Variants in GALNT13 observed in about 807,000 individuals in gnomAD.
The protein encoded by GALNT13 is polypeptide N-acetylgalactosaminyltransferase 13.
In GALNT13, 28 loss-of-function variants were observed where a neutral mutation model predicts 64.2. The ratio of observed to expected loss-of-function variants is 0.44; its 90% CI spans 0.32 to 0.60. The LOEUF is 0.60. Ranked by LOEUF, GALNT13 falls within the 20% of genes least tolerant of loss-of-function variation. GALNT13 has a pLI of 0.05. For synonymous variants in GALNT13, 214 were observed against 224.6 expected (o/e 0.95, Z 0.42); for missense variants, 577 against 669.8 (o/e 0.86, Z 1.53).
chr2:153,452,027 A>C, the GALNT13 span, among the ~76,000 whole-genome samples: 1 of 152,228 alleles, frequency 6.6e-6, no homozygotes, highest in African/African-American at 2.4e-5. Context: ...ACAACCTCCT[A>C]AACAGCCAGC....
chr2:153,718,856 G>T, the GALNT13 span, among the ~76,000 whole-genome samples: 1 of 152,138 alleles, frequency 6.6e-6, no homozygotes, highest in African/African-American at 2.4e-5. Flanking sequence ...ATAATGTGCT[G>T]TTATTGAATG....
At chr2:154,060,972 A>G (rs1366174225) in intron 3 of GALNT13, among the ~76,000 whole-genome samples, 13 of 152,130 alleles carry the variant, frequency 8.5e-5, no homozygotes, top group Non-Finnish European at 1.5e-5. Context: ...ATTGATTTAC[A>G]TCAAGATCAA....
chr2:153,865,063 G>T, the GALNT13 span, among the ~76,000 whole-genome samples: 1 of 148,112 alleles, frequency 6.8e-6, no homozygotes, highest in Non-Finnish European at 1.5e-5. Context: ...ATGGGGAAAG[G>T]ATTCCCTATT....
chr2:153,464,282 C>T, the GALNT13 span, among the ~76,000 whole-genome samples: 1 of 152,064 alleles, frequency 6.6e-6, no homozygotes, highest in Non-Finnish European at 1.5e-5. Context: ...GATCCTCTCC[C>T]ACCCCATCAC....
At chr2:154,108,157 T>G (rs989517168) in intron 3 of GALNT13, among the ~76,000 whole-genome samples, 25 of 151,916 alleles carry the variant, frequency 1.6e-4, no homozygotes, top group Non-Finnish European at 2.4e-4. Flanking sequence ...TTTTTTGGTT[T>G]TTTTTTTCTT....
At chr2:153,226,567 C>A in the GALNT13 span, among the ~76,000 whole-genome samples, 1 of 152,110 alleles carries the variant, frequency 6.6e-6, no homozygotes, top group Admixed American at 6.6e-5. Flanking sequence ...CCCCAAGCCC[C>A]ATTTTAATCT....
At chr2:154,318,248 G>A (rs201534971) in intron 9 of GALNT13, among the ~76,000 whole-genome samples, 1 of 152,098 alleles carries the variant, frequency 6.6e-6, no homozygotes, top group African/African-American at 2.4e-5. Context: ...TAAAGTTTGT[G>A]ATACCTCAAA....
At chr2:154,010,334 G>A (rs1200023942) in intron 3 of GALNT13, among the ~76,000 whole-genome samples, 1 of 152,106 alleles carries the variant, frequency 6.6e-6, no homozygotes, top group African/African-American at 2.4e-5. Flanking sequence ...CCGTTTCCGT[G>A]TCTATTGAGA....
At chr2:153,399,619 C>T in the GALNT13 span, among the ~76,000 whole-genome samples, 1 of 151,714 alleles carries the variant, frequency 6.6e-6, no homozygotes, top group African/African-American at 2.4e-5. Flanking sequence ...GTTTGTAGTT[C>T]TCCTTGAAGA....
At chr2:153,892,167 A>G (rs1687595720) in intron 1 of GALNT13, among the ~76,000 whole-genome samples, 1 of 152,060 alleles carries the variant, frequency 6.6e-6, no homozygotes. Context: ...CTTTTTCACA[A>G]TGGAGACATC....
intron 9 of GALNT13, among the ~76,000 whole-genome samples, chr2:154,352,716 A>G (rs1284417248): frequency 6.6e-6 from 1 of 152,188 alleles, no homozygotes; most frequent in Non-Finnish European, 1.5e-5. Context: ...CCCACACTAC[A>G]TAAGTTTCTT....
the GALNT13 span, among the ~76,000 whole-genome samples, chr2:153,411,029 T>TA: frequency 1.2e-4 from 18 of 152,028 alleles, no homozygotes; most frequent in East Asian, 2.5e-3. Context: ...CAGGCCCAGC[T>TA]AATTTTTGTA....
chr2:153,099,815 A>G, the GALNT13 span, among the ~76,000 whole-genome samples: 1 of 152,152 alleles, frequency 6.6e-6, no homozygotes, highest in Non-Finnish European at 1.5e-5. Flanking sequence ...GATTCTCCTT[A>G]TATCTTCTCA....
chr2:154,296,365 C>A (rs534696247), intron 8 of GALNT13, among the ~76,000 whole-genome samples: 1 of 152,252 alleles, frequency 6.6e-6, no homozygotes, highest in East Asian at 1.9e-4. Flanking sequence ...GGATAACGTG[C>A]TAATTTGCTG....
At chr2:154,396,501 T>C (rs1292938468) in intron 10 of GALNT13, among the ~76,000 whole-genome samples, 1 of 152,186 alleles carries the variant, frequency 6.6e-6, no homozygotes. Flanking sequence ...TAATTAAACG[T>C]TATATAATAA....
intron 3 of GALNT13, among the ~76,000 whole-genome samples, chr2:154,118,242 A>G (rs1681715614): frequency 6.8e-6 from 1 of 146,872 alleles, no homozygotes; most frequent in Admixed American, 6.7e-5. Context: ...TAACTTTTTG[A>G]TGAATTGACC....
rs1183823803 is a variant in GALNT13, at chr2:154,041,859, G to A, written c.142+97220G>A. 1.4e-5 allele frequency among the ~76,000 whole-genome samples: 2 copies of A among 139,662 alleles called. 1 individual carries two copies. Among genetic ancestry groups the A allele is most frequent in the Non-Finnish European group, 3.3e-5 (2 of 60,836 alleles). The allele number at this position is 139,662 out of a possible 152,430, so 91.6% of individuals were successfully genotyped here. ...ATCATTTACAAGTATAGATTTTACTGCTCTTTCTTCTTTGTTTCTGTGCAA... is the reference window on the plus strand; with the variant it reads ...ATCATTTACAAGTATAGATTTTACTACTCTTTCTTCTTTGTTTCTGTGCAA... On this transcript the variant is annotated intron_variant, in intron 3 of 12. Transcript: ENST00000392825.
At chr2:154,208,720 G>A (rs1194002419) in intron 4 of GALNT13, among the ~76,000 whole-genome samples, 2 of 149,134 alleles carry the variant, frequency 1.3e-5, no homozygotes, top group Non-Finnish European at 3.0e-5. Context: ...CATTAGATAA[G>A]GATCATATAC....
At chr2:154,254,130 T>C (rs767985827) in intron 7 of GALNT13, among the ~76,000 whole-genome samples, 8 of 152,068 alleles carry the variant, frequency 5.3e-5, no homozygotes, top group Non-Finnish European at 1.0e-4. Flanking sequence ...TTTGAACATA[T>C]AAGGGGAGTT....
Sources: allele counts gnomAD v4.1 joint callset (sites outside exome capture counted in the v4.1 genomes callset), GRCh38; gene constraint gnomAD v4.1.1; transcripts MANE v1.5; gene names NCBI Gene and HGNC (gene_info 2026-07-23, HGNC 2026-07-21).